The following ASIC2 variants were observed in gnomAD, a reference collection of about 807,000 sequenced individuals.
ASIC2 encodes the protein acid sensing ion channel subunit 2.
In ASIC2, 25 loss-of-function variants were observed where a neutral mutation model predicts 57.3. The ratio of observed to expected loss-of-function variants is 0.44; its 90% CI spans 0.32 to 0.61. The LOEUF (loss-of-function observed/expected upper bound fraction) is 0.61, where lower values mean the gene tolerates loss of function less well. Among genes scored for constraint, ASIC2 ranks in the 20% least tolerant of loss-of-function variants. ASIC2 has a pLI of 0.06. For missense variants in ASIC2, 641 were observed against 738.1 expected, an observed-to-expected ratio of 0.87 and a Z score of 1.52; for synonymous variants, 319 against 307.5, an observed-to-expected ratio of 1.04 and a Z score of -0.39.
chr17:33,629,870 A>G (rs1350787150), intron 1 of ASIC2, among the ~76,000 whole-genome samples: 4 of 152,232 alleles, frequency 2.6e-5, no homozygotes, highest in Non-Finnish European at 5.9e-5. Flanking sequence ...GATTATGCCA[A>G]TGGAAATCCC....
At chr17:33,503,723 C>T (rs1914168140) in intron 1 of ASIC2, among the ~76,000 whole-genome samples, 1 of 152,186 alleles carries the variant, frequency 6.6e-6, no homozygotes, top group Non-Finnish European at 1.5e-5. Flanking sequence ...GGACTGACTG[C>T]AGTTCTGATC....
At chr17:34,115,753 G>A (rs1401189079) in intron 1 of ASIC2, among the ~76,000 whole-genome samples, 3 of 152,068 alleles carry the variant, frequency 2.0e-5, no homozygotes, top group Admixed American at 6.6e-5. Context: ...ACAGGATGTG[G>A]CACTTAGAAT....
At chr17:33,291,356 C>G in intron 1 of ASIC2, 52 bp downstream of exon 1, 1 of 1,543,190 alleles carries the variant, frequency 6.5e-7, no homozygotes, top group Non-Finnish European at 8.7e-7. Flanking sequence ...GGCCTCCTGA[C>G]TGCCGGGGAG....
intron 1 of ASIC2, among the ~76,000 whole-genome samples, chr17:34,152,436 G>C (rs1904562068): frequency 6.6e-6 from 1 of 152,132 alleles, no homozygotes; most frequent in Non-Finnish European, 1.5e-5. Flanking sequence ...ATCCAACTGT[G>C]ACCTCCATTC....
At chr17:33,207,468 T>C (rs1907107418) in intron 1 of ASIC2, among the ~76,000 whole-genome samples, 1 of 152,192 alleles carries the variant, frequency 6.6e-6, no homozygotes, top group Admixed American at 6.5e-5. Context: ...GTAGGCCTTA[T>C]TACTATTAGA....
At chr17:33,390,496 CAG>C (rs1274911368) in intron 1 of ASIC2, among the ~76,000 whole-genome samples, 1 of 152,194 alleles carries the variant, frequency 6.6e-6, no homozygotes, top group African/African-American at 2.4e-5. Context: ...TGTATTATCT[CAG>C]AGTTTCTGTG....
At chr17:33,155,208 C>G (rs933126187) in intron 1 of ASIC2, among the ~76,000 whole-genome samples, 2 of 152,252 alleles carry the variant, frequency 1.3e-5, no homozygotes, top group African/African-American at 4.8e-5. Context: ...TGGCTGGGTG[C>G]TCAATAAATG....
At chr17:33,551,541 T>G (rs1324475523) in intron 1 of ASIC2, among the ~76,000 whole-genome samples, 2 of 152,162 alleles carry the variant, frequency 1.3e-5, no homozygotes, top group Non-Finnish European at 2.9e-5. Context: ...GAATATCTTC[T>G]CTAGGATTCT....
At chr17:34,092,281 G>C (rs1210971040) in intron 1 of ASIC2, among the ~76,000 whole-genome samples, 1 of 152,252 alleles carries the variant, frequency 6.6e-6, no homozygotes, top group Non-Finnish European at 1.5e-5. Context: ...GGAAGGCAAA[G>C]TGGTATTGGC....
rs1340121369 is a variant in ASIC2, at chr17:33,142,318, A to G, written c.709-30251T>C. Among the ~76,000 whole-genome samples, 7 of 152,348 alleles carry G rather than the reference A, an allele frequency of 4.6e-5. No homozygotes were observed. In the East Asian group the frequency reaches 1.3e-3, roughly 29 times the overall value. Reference sequence around the variant, plus strand: ...ACTCTTTATGGTGTTGAGAAGTAGCATTTCTGCCCAGAGTATTTGGTTGTG... The same window carrying G: ...ACTCTTTATGGTGTTGAGAAGTAGCGTTTCTGCCCAGAGTATTTGGTTGTG... On this transcript the variant is annotated intron_variant, in intron 1 of 9. Coordinates refer to ENST00000225823, the MANE Select transcript of ASIC2 (RefSeq NM_183377.2).
chr17:33,088,150 G>GC (rs2092142447), intron 3 of ASIC2, among the ~76,000 whole-genome samples: 1 of 152,130 alleles, frequency 6.6e-6, no homozygotes, highest in South Asian at 2.1e-4. Flanking sequence ...TGTCTCTCCA[G>GC]TTTTTATTCT....
chr17:33,595,300 A>G lies in ASIC2; in HGVS notation c.556-483233T>C, dbSNP rs371325312. On this transcript the variant is annotated intron_variant, in intron 1 of 9. Coordinates refer to the ASIC2 transcript ENST00000359872. Reference sequence around the variant, plus strand: ...ACCTGAAGTCCGTTTTCTTCCAGCTATGCCACAGCTGGGACGTCAGAGGGT... The same window carrying G: ...ACCTGAAGTCCGTTTTCTTCCAGCTGTGCCACAGCTGGGACGTCAGAGGGT... Among the ~76,000 whole-genome samples, 132 of 152,356 alleles carry G rather than the reference A, an allele frequency of 8.7e-4. No homozygotes were observed. In the South Asian group the frequency reaches 0.018, roughly 21 times the overall value.
At chr17:33,085,481 G>C (rs2092131007) in intron 3 of ASIC2, among the ~76,000 whole-genome samples, 1 of 152,242 alleles carries the variant, frequency 6.6e-6, no homozygotes, top group Non-Finnish European at 1.5e-5. Flanking sequence ...CACAGAATGA[G>C]AGCATACAGC....
intron 1 of ASIC2, among the ~76,000 whole-genome samples, chr17:34,032,987 T>C (rs1308423953): frequency 6.6e-6 from 1 of 152,166 alleles, no homozygotes; most frequent in Non-Finnish European, 1.5e-5. Context: ...TATCCAGGAA[T>C]TGAACTCAGC....
intron 1 of ASIC2, among the ~76,000 whole-genome samples, chr17:33,800,758 A>T (rs1912109731): frequency 6.6e-6 from 1 of 152,156 alleles, no homozygotes; most frequent in African/African-American, 2.4e-5. Flanking sequence ...GCAATAGATG[A>T]CCTCATGCTA....
chr17:33,376,959 G>A (rs1909300606), intron 1 of ASIC2, among the ~76,000 whole-genome samples: 1 of 152,184 alleles, frequency 6.6e-6, no homozygotes, highest in African/African-American at 2.4e-5. Context: ...AGAAATTAAG[G>A]ATCAAAGAGG....
chr17:33,192,683 T>G (rs1453083382), intron 1 of ASIC2, among the ~76,000 whole-genome samples: 1 of 152,100 alleles, frequency 6.6e-6, no homozygotes. Context: ...TCATATTCCA[T>G]CCAGCCCCAT....
At chr17:33,452,547 A>G (rs917873459) in intron 1 of ASIC2, among the ~76,000 whole-genome samples, 4 of 152,172 alleles carry the variant, frequency 2.6e-5, no homozygotes, top group Non-Finnish European at 5.9e-5. Flanking sequence ...GTGGGTAGAC[A>G]GTCACTGTTT....
intron 1 of ASIC2, among the ~76,000 whole-genome samples, chr17:33,700,247 CTT>C (rs1471752116): frequency 4.6e-5 from 7 of 152,032 alleles, no homozygotes; most frequent in Admixed American, 4.6e-4. Context: ...TAGCAAGAAA[CTT>C]TGCTTTCCTC....
Sources: gnomAD v4.1 joint callset for allele counts (sites outside exome capture counted in the v4.1 genomes callset) on GRCh38, gnomAD v4.1.1 for gene constraint, MANE v1.5 for transcripts, NCBI Gene and HGNC (gene_info 2026-07-23, HGNC 2026-07-21) for gene names.